PTPRD: variants seen among roughly 807,000 people sequenced by gnomAD.
PTPRD encodes the protein protein tyrosine phosphatase receptor type D, also known as receptor-type tyrosine-protein phosphatase delta.
In PTPRD, 34 loss-of-function variants were observed where a neutral mutation model predicts 214.5. The ratio of observed to expected loss-of-function variants is 0.16; its 90% CI spans 0.12 to 0.21. PTPRD has a LOEUF of 0.21. Ranked by LOEUF, PTPRD falls within the 10% of genes least tolerant of loss-of-function variation. PTPRD has a pLI of 1.00. For synonymous variants in PTPRD, 1,128 were observed against 845.7 expected, an observed-to-expected ratio of 1.33 and a Z score of -5.79; for missense variants, 2,545 against 2,398.7, an observed-to-expected ratio of 1.06 and a Z score of -1.27.
intron 12 of PTPRD, among the ~76,000 whole-genome samples, chr9:8,711,283 C>T (rs1180235053): frequency 1.3e-5 from 2 of 151,852 alleles, no homozygotes; most frequent in Non-Finnish European, 2.9e-5. Flanking sequence ...TACTGTATAG[C>T]TAACAAGTAC....
intron 5 of PTPRD, among the ~76,000 whole-genome samples, chr9:9,851,336 T>G (rs1002914781): frequency 6.6e-6 from 1 of 152,232 alleles, no homozygotes; most frequent in Non-Finnish European, 1.5e-5. Flanking sequence ...CAGGCCAGCC[T>G]TGGCATGGCA....
intron 9 of PTPRD, among the ~76,000 whole-genome samples, chr9:9,206,577 G>A (rs2099945004): frequency 6.6e-6 from 1 of 152,166 alleles, no homozygotes; most frequent in Non-Finnish European, 1.5e-5. Context: ...CTCAATGTGG[G>A]TGGGCACCAT....
intron 3 of PTPRD, among the ~76,000 whole-genome samples, chr9:10,325,895 A>G (rs1280729661): frequency 6.6e-6 from 1 of 151,856 alleles, no homozygotes; most frequent in African/African-American, 2.4e-5. Context: ...TTAACTGACA[A>G]AAGTGAATAC....
intron 11 of PTPRD, among the ~76,000 whole-genome samples, chr9:8,948,420 T>TA (rs1290116590): frequency 2.3e-5 from 1 of 43,678 alleles, no homozygotes; most frequent in Non-Finnish European, 4.6e-5. Context: ...TATATATATA[T>TA]ATATTTATAT....
At chr9:9,677,514 A>T (rs1018951352) in intron 7 of PTPRD, among the ~76,000 whole-genome samples, 10 of 152,180 alleles carry the variant, frequency 6.6e-5, no homozygotes, top group Non-Finnish European at 1.3e-4. Flanking sequence ...GACAAAATTC[A>T]ACAACACTTC....
intron 3 of PTPRD, among the ~76,000 whole-genome samples, chr9:10,290,259 C>T (rs1460230646): frequency 1.3e-5 from 2 of 152,236 alleles, no homozygotes; most frequent in Non-Finnish European, 2.9e-5. Context: ...CAGTACTCTT[C>T]TATCCTGTTC....
chr9:9,641,450 A>T (rs907438452), intron 7 of PTPRD, among the ~76,000 whole-genome samples: 3 of 152,068 alleles, frequency 2.0e-5, no homozygotes, highest in Non-Finnish European at 4.4e-5. Flanking sequence ...TTCATTTTTA[A>T]CCCCATGAAC....
At chr9:9,481,682 C>G (rs191381358) in intron 8 of PTPRD, among the ~76,000 whole-genome samples, 2 of 151,292 alleles carry the variant, frequency 1.3e-5, no homozygotes, top group African/African-American at 4.9e-5. Context: ...TCCATGAAGG[C>G]GAAAATGCCT....
At chr9:9,675,492 A>T (rs1417438030) in intron 7 of PTPRD, among the ~76,000 whole-genome samples, 1 of 151,796 alleles carries the variant, frequency 6.6e-6, no homozygotes, top group Non-Finnish European at 1.5e-5. Flanking sequence ...GAAATTATAA[A>T]AAATAAAAAG....
chr9:9,173,985 A>G (rs2099923078), intron 10 of PTPRD, among the ~76,000 whole-genome samples: 1 of 152,126 alleles, frequency 6.6e-6, no homozygotes, highest in Non-Finnish European at 1.5e-5. Context: ...TCAGAGAATG[A>G]GAGATTCCAT....
chr9:9,278,745 T>G (rs934111920), intron 9 of PTPRD, among the ~76,000 whole-genome samples: 1 of 151,396 alleles, frequency 6.6e-6, no homozygotes, highest in Non-Finnish European at 1.5e-5. Context: ...ATCTAGAACA[T>G]GCAGTTAATA....
intron 2 of PTPRD, among the ~76,000 whole-genome samples, chr9:10,361,991 T>A (rs1232322977): frequency 6.6e-6 from 1 of 152,182 alleles, no homozygotes; most frequent in Non-Finnish European, 1.5e-5. Context: ...ATGGTTAAGA[T>A]GTCAGCATTT....
intron 7 of PTPRD, among the ~76,000 whole-genome samples, chr9:9,600,167 C>CA (rs1281034262): frequency 1.3e-5 from 2 of 151,978 alleles, no homozygotes; most frequent in African/African-American, 4.8e-5. Flanking sequence ...TACAAGAAAG[C>CA]ATAGAAACAA....
chr9:9,657,603 T>C (rs996999921), intron 7 of PTPRD, among the ~76,000 whole-genome samples: 4 of 152,084 alleles, frequency 2.6e-5, no homozygotes, highest in Non-Finnish European at 5.9e-5. Context: ...AATATAATAA[T>C]AGTGAAAAAT....
intron 10 of PTPRD, among the ~76,000 whole-genome samples, chr9:9,088,212 C>G (rs2777489): frequency 0.49 from 73,839 of 151,388 alleles, 19,228 homozygotes; most frequent in Non-Finnish European, 0.59. Context: ...CTTGTGTCCT[C>G]ATTCTTCCCT....
chr9:9,196,056 C>G (rs1052262311), intron 9 of PTPRD, among the ~76,000 whole-genome samples: 1 of 152,166 alleles, frequency 6.6e-6, no homozygotes, highest in African/African-American at 2.4e-5. Context: ...GGCCAAGATT[C>G]TAGCCCATGT....
At chr9:8,958,484 T>C (rs935916995) in intron 11 of PTPRD, among the ~76,000 whole-genome samples, 1 of 152,036 alleles carries the variant, frequency 6.6e-6, no homozygotes, top group Non-Finnish European at 1.5e-5. Context: ...TCTCTGGCCA[T>C]TTAGAATTCA....
intron 2 of PTPRD, among the ~76,000 whole-genome samples, chr9:10,406,258 T>C (rs553719602): frequency 1.3e-5 from 2 of 151,584 alleles, no homozygotes; most frequent in East Asian, 3.9e-4. Flanking sequence ...AAAGAGAAAA[T>C]TTTATTAGTT....
At chr9:10,153,065 A>G (rs1163469569) in intron 3 of PTPRD, among the ~76,000 whole-genome samples, 1 of 152,190 alleles carries the variant, frequency 6.6e-6, no homozygotes, top group African/African-American at 2.4e-5. Context: ...TCCATTAGAC[A>G]GAAGAAATAA....
Sources: gnomAD v4.1 joint callset for allele counts (sites outside exome capture counted in the v4.1 genomes callset) on GRCh38, gnomAD v4.1.1 for gene constraint, MANE v1.5 for transcripts, NCBI Gene and HGNC (gene_info 2026-07-23, HGNC 2026-07-21) for gene names.